The following PXK variants were observed in gnomAD, a reference collection of about 807,000 sequenced individuals.
The protein encoded by PXK is PX domain containing serine/threonine kinase like, also known as PX domain-containing protein kinase-like protein.
PXK carries 35 observed loss-of-function variants against 84.7 expected under a neutral mutation model. The observed-to-expected ratio is 0.41, with a 90% CI of 0.32 to 0.55. The LOEUF (loss-of-function observed/expected upper bound fraction) is 0.55. PXK is among the 20% of genes least tolerant of loss of function. The pLI is 0.21. For missense variants in PXK, 634 were observed against 699.7 expected (o/e 0.91, Z 1.06); for synonymous variants, 253 against 260.8 (o/e 0.97, Z 0.29).
At chr3:58,356,836 T>A (rs2108228717) in intron 1 of PXK, among the ~76,000 whole-genome samples, 1 of 150,964 alleles carries the variant, frequency 6.6e-6, no homozygotes, top group South Asian at 2.1e-4. Flanking sequence ...ACGCCTGACC[T>A]TGTGATCCAC....
At chr3:58,419,906 GC>G (rs2061559434) in intron 17 of PXK, among the ~76,000 whole-genome samples, 2 of 136,230 alleles carry the variant, frequency 1.5e-5, no homozygotes, top group Non-Finnish European at 3.4e-5. Context: ...CGGCTTTATG[GC>G]CTTAAGTAAG....
chr3:58,405,803 C>T (rs2059310852), intron 13 of PXK, among the ~76,000 whole-genome samples: 1 of 151,430 alleles, frequency 6.6e-6, no homozygotes, highest in Non-Finnish European at 1.5e-5. Context: ...ATGATAGGCT[C>T]AGAAACAAAC....
At chr3:58,393,335 A>G (rs2098650139) in intron 7 of PXK, among the ~76,000 whole-genome samples, 1 of 152,120 alleles carries the variant, frequency 6.6e-6, no homozygotes, top group Non-Finnish European at 1.5e-5. Context: ...GCAACAGAGC[A>G]GACTCCGTCT....
chr3:58,408,591 C>T (rs976491272), intron 13 of PXK, among the ~76,000 whole-genome samples: 5 of 150,818 alleles, frequency 3.3e-5, no homozygotes, highest in Non-Finnish European at 5.9e-5. Flanking sequence ...GGCGTGATCT[C>T]GGCTCTCTGC....
At chr3:58,394,492 C>T (rs2057328189) in intron 7 of PXK, among the ~76,000 whole-genome samples, 1 of 152,164 alleles carries the variant, frequency 6.6e-6, no homozygotes. Context: ...CTACTTTTGC[C>T]TGTTTTCTGG....
At chr3:58,395,906 G>C (rs2057589496) in intron 9 of PXK, 147 bp downstream of exon 9, 1 of 617,900 alleles carries the variant, frequency 1.6e-6, no homozygotes, top group Admixed American at 3.4e-5. Flanking sequence ...GCCTCAAAAA[G>C]TAAATATTTG....
At chr3:58,362,315 A>C (rs2098200444) in intron 1 of PXK, among the ~76,000 whole-genome samples, 1 of 152,156 alleles carries the variant, frequency 6.6e-6, no homozygotes, top group Non-Finnish European at 1.5e-5. Flanking sequence ...TTTTTTCCTA[A>C]AAGTCTTACA....
intron 2 of PXK, among the ~76,000 whole-genome samples, chr3:58,366,187 T>C (rs2098269380): frequency 6.6e-6 from 1 of 152,122 alleles, no homozygotes; most frequent in Non-Finnish European, 1.5e-5. Context: ...CCAGGGCAAA[T>C]AGTGTATGCA....
At position 58,409,992 on chromosome 3, in the gene PXK, G is replaced by T; in HGVS notation, c.1396-98G>T. On this transcript the variant is annotated intron_variant, in intron 15 of 17. Transcript: ENST00000356151. The surrounding 1 kb of genome is among the most constrained non-coding windows in gnomAD (Gnocchi z 4.2). ...TTACCTTGTCTGCAGCTAGTTTAAT[G>T]GTATGCCTGGAAAATATTTTTATTC... The T allele has an allele frequency of 1.3e-6, 1 of 758,994 alleles. No individual in the cohort carries two copies. 47.0% of individuals were successfully genotyped at this position (758,994 alleles called of 1,614,324 possible). A position where few individuals can be genotyped will look rare whatever the true frequency, so the allele number is the denominator to read the frequency against.
intron 17 of PXK, chr3:58,423,455 T>C: frequency 6.5e-7 from 1 of 1,529,562 alleles, no homozygotes; most frequent in Non-Finnish European, 8.8e-7. Context: ...GATTCTTTAA[T>C]TTCAGCTGCC....
chr3:58,380,276 CATT>C (rs2098485303), intron 3 of PXK, among the ~76,000 whole-genome samples: 1 of 151,842 alleles, frequency 6.6e-6, no homozygotes, highest in Non-Finnish European at 1.5e-5. Context: ...GATCAAGAAT[CATT>C]ATGATTAGCT....
At chr3:58,382,190 C>G (rs1346298480) in intron 3 of PXK, among the ~76,000 whole-genome samples, 1 of 152,022 alleles carries the variant, frequency 6.6e-6, no homozygotes, top group Non-Finnish European at 1.5e-5. Context: ...ATGTCACATG[C>G]CTGTAGTCCC....
chr3:58,336,051 ATATATATATATATATATATATT>A (rs1250653566), intron 1 of PXK, among the ~76,000 whole-genome samples: 20 of 52,064 alleles, frequency 3.8e-4, no homozygotes, highest in Non-Finnish European at 4.4e-4. Flanking sequence ...ATATATATAT[ATATATATATATATATATATATT>A]TTTTTTTTTT....
intron 3 of PXK, among the ~76,000 whole-genome samples, chr3:58,374,491 C>G (rs6806615): frequency 0.1 from 15,214 of 152,156 alleles, 991 homozygotes; most frequent in African/African-American, 0.17. Flanking sequence ...TCCATTTTCA[C>G]TCTGCAGTTG....
rs999230715 is a variant in PXK at position 58,390,165 on chromosome 3, G to A, written c.389-417G>A. Among the ~76,000 whole-genome samples, 1 of 152,082 alleles carries A rather than the reference G, an allele frequency of 6.6e-6. No homozygotes were observed. The highest frequency in any genetic ancestry group is 1.5e-5 in the Non-Finnish European group (1 of 68,012). On this transcript the variant is annotated intron_variant, in intron 4 of 17. Coordinates refer to ENST00000356151, the MANE Select transcript of PXK (RefSeq NM_017771.5). This position sits in a 1 kb window ranked among gnomAD's most constrained non-coding sequence, Gnocchi z 4.2. The stretch of plus-strand genomic sequence containing the variant: ...TGAGTTCCAGCCTGGGCAACAGAGT[G>A]AGACCCTATCTCAAAAAACAAAAAA...
chr3:58,381,080 C>G (rs1026930833), intron 3 of PXK, among the ~76,000 whole-genome samples: 2 of 151,918 alleles, frequency 1.3e-5, no homozygotes, highest in Non-Finnish European at 2.9e-5. Flanking sequence ...AATCCCGTCT[C>G]TACTAAAAAT....
At chr3:58,389,287 A>G (rs918671147) in intron 4 of PXK, among the ~76,000 whole-genome samples, 1 of 152,118 alleles carries the variant, frequency 6.6e-6, no homozygotes. Context: ...TTGTTGATGA[A>G]AGCTATAATT....
intron 17 of PXK, among the ~76,000 whole-genome samples, chr3:58,424,074 C>G (rs2062421062): frequency 6.6e-6 from 1 of 152,192 alleles, no homozygotes; most frequent in Non-Finnish European, 1.5e-5. Context: ...AATACCATGG[C>G]AGAGAGACCC....
chr3:58,361,899 T>C (rs980764750), intron 1 of PXK, among the ~76,000 whole-genome samples: 2 of 152,234 alleles, frequency 1.3e-5, no homozygotes, highest in African/African-American at 4.8e-5. Context: ...GTTGCATATA[T>C]AGTTTTTAAA....
Sources: allele counts gnomAD v4.1 joint callset (sites outside exome capture counted in the v4.1 genomes callset), GRCh38; gene constraint gnomAD v4.1.1; non-coding constraint Gnocchi (gnomAD v3.1); transcripts MANE v1.5; gene names NCBI Gene and HGNC (gene_info 2026-07-23, HGNC 2026-07-21).